Variants in NPAS3 observed in about 807,000 individuals in gnomAD.
NPAS3 encodes neuronal PAS domain-containing protein 3.
In NPAS3, 14 loss-of-function variants were observed where a neutral mutation model predicts 73.1. The observed-to-expected ratio is 0.19, with a 90% CI of 0.13 to 0.30. The LOEUF is 0.30. Among genes scored for constraint, NPAS3 ranks in the 10% least tolerant of loss-of-function variants. NPAS3 has a pLI of 1.00. For synonymous variants in NPAS3, 620 were observed against 541.5 expected (o/e 1.14, Z -2.01); for missense variants, 1,096 against 1,250.0 (o/e 0.88, Z 1.86).
At chr14:33,700,586 C>T (rs891256491) in intron 6 of NPAS3, among the ~76,000 whole-genome samples, 1 of 152,186 alleles carries the variant, frequency 6.6e-6, no homozygotes, top group Non-Finnish European at 1.5e-5. Context: ...AGTCTGTCTA[C>T]AGGAAGAAGT....
At chr14:32,992,267 A>G (rs996812412) in intron 1 of NPAS3, among the ~76,000 whole-genome samples, 1 of 152,184 alleles carries the variant, frequency 6.6e-6, no homozygotes, top group Non-Finnish European at 1.5e-5. Flanking sequence ...GTTAATGAAT[A>G]TGTTTTCTAC....
At chr14:33,157,833 G>T (rs1197636453) in intron 2 of NPAS3, among the ~76,000 whole-genome samples, 1 of 152,106 alleles carries the variant, frequency 6.6e-6, no homozygotes, top group Non-Finnish European at 1.5e-5. Context: ...GTATCCCTGG[G>T]CTTCAGTCAT....
chr14:33,095,679 T>A lies in NPAS3; in HGVS notation c.140+39685T>A, dbSNP rs1007242916. On this transcript the variant is annotated intron_variant, in intron 2 of 11. Coordinates refer to ENST00000356141, the Ensembl canonical transcript of NPAS3. ...CTGCTTTTATTTTTTTATTTTTTTT[T>A]TTTTTTTGAGAGGGAGTCTCGCTCT... Among the ~76,000 whole-genome samples the A allele has an allele frequency of 5.6e-4, 80 of 141,800 alleles. 1 individual carries two copies. Among genetic ancestry groups the A allele is most frequent in the African/African-American group, 1.8e-3 (65 of 36,650 alleles). The allele number at this position is 141,800 out of a possible 152,430, so 93.0% of individuals were successfully genotyped here. A position where few individuals can be genotyped will look rare whatever the true frequency, so the allele number is the denominator to read the frequency against.
chr14:33,678,321 A>C (rs994171787), intron 6 of NPAS3, among the ~76,000 whole-genome samples: 1 of 152,112 alleles, frequency 6.6e-6, no homozygotes, highest in Non-Finnish European at 1.5e-5. Flanking sequence ...CACTGATCCA[A>C]GGTCTGCCCT....
At chr14:33,037,809 G>A (rs2138391337) in intron 1 of NPAS3, among the ~76,000 whole-genome samples, 1 of 152,294 alleles carries the variant, frequency 6.6e-6, no homozygotes, top group South Asian at 2.1e-4. Context: ...TAATTTAAGA[G>A]GACATTTCTA....
chr14:33,636,880 C>T (rs1262921760), intron 5 of NPAS3, among the ~76,000 whole-genome samples: 2 of 149,968 alleles, frequency 1.3e-5, no homozygotes, highest in African/African-American at 5.0e-5. Flanking sequence ...AAGCTGTCAG[C>T]AGGAGGAGGA....
chr14:33,338,190 G>T (rs2044314379), intron 3 of NPAS3, among the ~76,000 whole-genome samples: 1 of 152,076 alleles, frequency 6.6e-6, no homozygotes, highest in South Asian at 2.1e-4. Flanking sequence ...CACCTGTTGT[G>T]TGAGTTGGCT....
intron 6 of NPAS3, among the ~76,000 whole-genome samples, chr14:33,729,266 A>G (rs939942188): frequency 7.2e-5 from 11 of 152,170 alleles, no homozygotes; most frequent in Non-Finnish European, 1.5e-4. Flanking sequence ...TGTAAATTCA[A>G]CCAGTTATGG....
At chr14:33,562,236 G>A (rs1180082951) in intron 5 of NPAS3, among the ~76,000 whole-genome samples, 1 of 152,166 alleles carries the variant, frequency 6.6e-6, no homozygotes, top group Non-Finnish European at 1.5e-5. Context: ...TAAAATCTGA[G>A]ACAAATAATT....
chr14:33,013,174 G>T (rs17099894), intron 1 of NPAS3, among the ~76,000 whole-genome samples: 89,579 of 151,994 alleles, frequency 0.59, 27,780 homozygotes, highest in Non-Finnish European at 0.7. Context: ...GCAGATCAGA[G>T]TAGATGGTTT....
Position 33,511,005 on chromosome 14 carries a change from G to T in NPAS3, c.469-49116G>T, listed in dbSNP as rs190375164. Among the ~76,000 whole-genome samples the T allele has an allele frequency of 2.6e-3, 403 of 152,200 alleles. 1 individual carries two copies. Among genetic ancestry groups the T allele is most frequent in the Non-Finnish European group, 3.1e-3 (211 of 67,974 alleles). The stretch of plus-strand genomic sequence containing the variant: ...AGGTGGGTACCTCCAGTAATTCTGA[G>T]AGTGCTTGTGTTGTTTTAAGCTGGT... On this transcript the variant is annotated intron_variant, in intron 4 of 11. Coordinates refer to ENST00000356141, the Ensembl canonical transcript of NPAS3.
At chr14:33,690,372 TTAAA>T (rs1792549267) in intron 6 of NPAS3, among the ~76,000 whole-genome samples, 1 of 151,918 alleles carries the variant, frequency 6.6e-6, no homozygotes, top group Admixed American at 6.6e-5. Flanking sequence ...ATATATGGAC[TTAAA>T]TAAATAAATT....
intron 3 of NPAS3, among the ~76,000 whole-genome samples, chr14:33,354,943 C>T (rs958283265): frequency 6.6e-5 from 10 of 152,142 alleles, no homozygotes; most frequent in South Asian, 2.1e-4. Context: ...CCCTCTGCAC[C>T]GTGCCTCAGG....
chr14:33,088,356 A>G (rs1318871891), intron 2 of NPAS3, among the ~76,000 whole-genome samples: 1 of 152,216 alleles, frequency 6.6e-6, no homozygotes, highest in Admixed American at 6.5e-5. Flanking sequence ...GCGCTTTTCC[A>G]ATGGTCTTAG....
intron 1 of NPAS3, among the ~76,000 whole-genome samples, chr14:33,011,367 C>T (rs557284798): frequency 3.9e-4 from 60 of 152,272 alleles, no homozygotes; most frequent in Non-Finnish European, 6.8e-4. Flanking sequence ...GACATCATCC[C>T]ATCACAGGGC....
At chr14:32,950,750 C>T (rs1218433079) in intron 1 of NPAS3, among the ~76,000 whole-genome samples, 2 of 152,002 alleles carry the variant, frequency 1.3e-5, no homozygotes, top group African/African-American at 4.8e-5. Context: ...GAGACATAGC[C>T]CTTTTTACGA....
chr14:33,284,127 A>G (rs1375585943), intron 3 of NPAS3, among the ~76,000 whole-genome samples: 1 of 152,196 alleles, frequency 6.6e-6, no homozygotes, highest in Non-Finnish European at 1.5e-5. Context: ...AAAGCGTAGT[A>G]TTAAAAATAA....
intron 3 of NPAS3, among the ~76,000 whole-genome samples, chr14:33,331,054 A>G (rs935806508): frequency 3.9e-5 from 6 of 152,204 alleles, no homozygotes; most frequent in African/African-American, 1.4e-4. Flanking sequence ...TCAAACTGGT[A>G]TAGTACTTAG....
intron 4 of NPAS3, among the ~76,000 whole-genome samples, chr14:33,471,053 C>T (rs753944703): frequency 6.6e-6 from 1 of 152,164 alleles, no homozygotes; most frequent in African/African-American, 2.4e-5. Flanking sequence ...CAGTTATACG[C>T]TGTCCTCCAG....
Sources: allele counts gnomAD v4.1 joint callset (sites outside exome capture counted in the v4.1 genomes callset), GRCh38; gene constraint gnomAD v4.1.1; transcripts MANE v1.5; gene names NCBI Gene and HGNC (gene_info 2026-07-23, HGNC 2026-07-21).